Variants in MALRD1 observed in about 807,000 individuals in gnomAD.
MALRD1 encodes the protein MAM and LDL receptor class A domain containing 1.
A neutral mutation model predicts 242.1 loss-of-function variants in MALRD1; 247 were observed. That is an observed-to-expected ratio of 1.02 (90% confidence interval 0.92 to 1.13). The LOEUF is 1.13. MALRD1 is among the 50% of genes most tolerant of loss of function. The pLI is 0.00. For missense variants in MALRD1, 2,989 were observed against 2,533.1 expected (o/e 1.18, Z -3.86); for synonymous variants, 995 against 866.6 (o/e 1.15, Z -2.60).
intron 36 of MALRD1, among the ~76,000 whole-genome samples, chr10:19,690,826 T>C (rs1842787432): frequency 1.3e-5 from 2 of 151,996 alleles, no homozygotes; most frequent in African/African-American, 2.4e-5. Context: ...GGTAGATAGA[T>C]AGACAGACAG....
intron 18 of MALRD1, among the ~76,000 whole-genome samples, chr10:19,237,606 TTATAATTA>T (rs1471811290): frequency 2.8e-5 from 2 of 71,432 alleles, no homozygotes; most frequent in African/African-American, 5.8e-5. Context: ...ATAATTATAA[TTATAATTA>T]TATAATTATA....
At position 19,327,614 on chromosome 10, in the gene MALRD1, C is replaced by T; in HGVS notation, c.3628C>T (p.Gln1210Ter). ...VTSKLWAQTG[Q>*]QGAQWKRAEV... is the part of the protein sequence containing the mutation. ...TTCTAAATTGTGGGCTCAAACTGGACAGCAAGGTGCACAGTGGAAGAGAGC... is the reference window on the plus strand; with the variant it reads ...TTCTAAATTGTGGGCTCAAACTGGATAGCAAGGTGCACAGTGGAAGAGAGC... Residue 1210 changes from glutamine (Q) to a stop codon, truncating the protein, a stop_gained, in exon 23 of 40, where the codon CAG (glutamine) becomes TAG (stop). Coordinates refer to ENST00000454679, the MANE Select transcript of MALRD1 (RefSeq NM_001142308.3). LOFTEE classifies it high-confidence loss of function. 1.9e-6 allele frequency: 3 copies of T among 1,549,944 alleles called. No homozygotes were observed. The East Asian group carries it at 7.3e-5, about 38-fold the overall frequency.
rs2131353151 is a variant in MALRD1 at position 19,532,596 on chromosome 10, TTC to T, written c.5478+1249_5478+1250del. 3.3e-5 allele frequency among the ~76,000 whole-genome samples: 5 copies of T among 152,238 alleles called. 1 individual carries two copies. In the Middle Eastern group the frequency reaches 0.017, roughly 518 times the overall value. Reference sequence around the variant, plus strand: ...CTATTACACAGTTTTGTTTCTCAGATTCTCTGTGGTCAACCAAAGAAGTCAGA... The same window carrying T: ...CTATTACACAGTTTTGTTTCTCAGATTCTGTGGTCAACCAAAGAAGTCAGA... On this transcript the variant is annotated intron_variant, in intron 32 of 39. Coordinates refer to ENST00000454679, the MANE Select transcript of MALRD1 (RefSeq NM_001142308.3).
At chr10:19,374,809 CA>C (rs1845530464) in intron 26 of MALRD1, among the ~76,000 whole-genome samples, 1 of 152,082 alleles carries the variant, frequency 6.6e-6, no homozygotes, top group Non-Finnish European at 1.5e-5. Flanking sequence ...ATCTGGAGAC[CA>C]TCACAGGACC....
At chr10:19,688,749 T>C (rs1365124955) in intron 36 of MALRD1, among the ~76,000 whole-genome samples, 2 of 152,202 alleles carry the variant, frequency 1.3e-5, no homozygotes, top group East Asian at 1.9e-4. Flanking sequence ...CGTTCTAGCA[T>C]GTGATTAACG....
chr10:19,387,061 G>A (rs1564294541), intron 26 of MALRD1, among the ~76,000 whole-genome samples: 1 of 152,234 alleles, frequency 6.6e-6, no homozygotes, highest in East Asian at 1.9e-4. Context: ...TTCTAAGGAG[G>A]TATCTTACAT....
intron 28 of MALRD1, among the ~76,000 whole-genome samples, chr10:19,444,596 G>T (rs1232301123): frequency 6.6e-6 from 1 of 152,128 alleles, no homozygotes; most frequent in Admixed American, 6.5e-5. Flanking sequence ...TGAAATTCTG[G>T]GTTGAAAATT....
intron 14 of MALRD1, among the ~76,000 whole-genome samples, chr10:19,200,007 T>C (rs1836450720): frequency 6.6e-6 from 1 of 152,034 alleles, no homozygotes; most frequent in African/African-American, 2.4e-5. Context: ...CATGCACCTG[T>C]GTTCCCAGCT....
intron 28 of MALRD1, among the ~76,000 whole-genome samples, chr10:19,435,550 G>A (rs1300106154): frequency 6.6e-6 from 1 of 152,028 alleles, no homozygotes; most frequent in South Asian, 2.1e-4. Context: ...CCATTAATTG[G>A]TATTTAATCT....
At chr10:19,667,291 A>G (rs987126132) in intron 36 of MALRD1, among the ~76,000 whole-genome samples, 4 of 151,996 alleles carry the variant, frequency 2.6e-5, no homozygotes, top group African/African-American at 7.3e-5. Context: ...TCTCGTCTCT[A>G]TTTAAAAAAG....
chr10:19,312,022 A>G (rs572021114), intron 21 of MALRD1, among the ~76,000 whole-genome samples: 3 of 151,522 alleles, frequency 2.0e-5, no homozygotes, highest in East Asian at 3.9e-4. Context: ...CCATGATGCT[A>G]TAAATAACCG....
intron 26 of MALRD1, among the ~76,000 whole-genome samples, chr10:19,376,542 CTTTTTTTTTTTT>C (rs57836152): frequency 1.8e-4 from 17 of 94,990 alleles, no homozygotes; most frequent in African/African-American, 5.5e-4. Context: ...TTGATACATT[CTTTTTTTTTTTT>C]TTTTTTTTTT....
intron 36 of MALRD1, among the ~76,000 whole-genome samples, chr10:19,662,503 C>A (rs936954480): frequency 2.6e-5 from 4 of 152,046 alleles, no homozygotes; most frequent in African/African-American, 9.7e-5. Context: ...TTTGAGGAAT[C>A]CAAAGGACTC....
At chr10:19,506,452 TG>T (rs1480313519) in intron 31 of MALRD1, among the ~76,000 whole-genome samples, 3 of 152,164 alleles carry the variant, frequency 2.0e-5, no homozygotes, top group African/African-American at 7.2e-5. Context: ...GTACTTAGAA[TG>T]AAAGCTATCA....
intron 24 of MALRD1, among the ~76,000 whole-genome samples, chr10:19,341,986 T>C (rs938755906): frequency 2.0e-5 from 3 of 152,112 alleles, no homozygotes; most frequent in Non-Finnish European, 2.9e-5. Flanking sequence ...TTAATTGTTA[T>C]GGCATATAAC....
chr10:19,632,641 T>C (rs1305803916), intron 36 of MALRD1, among the ~76,000 whole-genome samples: 1 of 152,048 alleles, frequency 6.6e-6, no homozygotes, highest in African/African-American at 2.4e-5. Flanking sequence ...CAGAAACAAA[T>C]CTATGTTTCT....
At chr10:19,531,463 C>G (rs1834413988) in intron 32 of MALRD1, 112 bp downstream of exon 32, 7 of 1,001,908 alleles carry the variant, frequency 7.0e-6, no homozygotes, top group Non-Finnish European at 9.6e-6. Flanking sequence ...AGTGCTGATG[C>G]CATTAATTTC....
intron 28 of MALRD1, among the ~76,000 whole-genome samples, chr10:19,402,802 G>A (rs1017214717): frequency 6.6e-6 from 1 of 151,768 alleles, no homozygotes; most frequent in Non-Finnish European, 1.5e-5. Flanking sequence ...TGGAATGCTT[G>A]TCTCCCTCCA....
chr10:19,662,830 A>G (rs575507096), intron 36 of MALRD1, among the ~76,000 whole-genome samples: 8 of 152,274 alleles, frequency 5.3e-5, no homozygotes, highest in Admixed American at 5.2e-4. Context: ...AAACTCAGAG[A>G]TCACCCAGGT....
Sources: allele counts gnomAD v4.1 joint callset (sites outside exome capture counted in the v4.1 genomes callset), GRCh38; gene constraint gnomAD v4.1.1; transcripts MANE v1.5; gene names NCBI Gene and HGNC (gene_info 2026-07-23, HGNC 2026-07-21).